ARID1B: variants seen among roughly 807,000 people sequenced by gnomAD.
The protein encoded by ARID1B is AT-rich interactive domain-containing protein 1B.
Under a neutral mutation model 212.3 loss-of-function variants are expected in ARID1B, and 30 were observed. That is an observed-to-expected ratio of 0.14 (90% CI 0.11 to 0.19). The LOEUF is 0.19. Among genes scored for constraint, ARID1B ranks in the 10% least tolerant of loss-of-function variants. The probability of loss-of-function intolerance (pLI) is 1.00; values close to 1 mark genes in which losing one functional copy is unlikely to be tolerated. For missense variants in ARID1B, 2,891 were observed against 3,204.0 expected (o/e 0.90, Z 2.36); for synonymous variants, 1,402 against 1,301.7 (o/e 1.08, Z -1.66).
intron 4 of ARID1B, among the ~76,000 whole-genome samples, chr6:156,946,004 G>C (rs562361160): frequency 4.3e-4 from 65 of 152,236 alleles, no homozygotes; most frequent in Non-Finnish European, 7.1e-4. Flanking sequence ...GCAAGACCCT[G>C]TCTCAACAAC....
intron 1 of ARID1B, among the ~76,000 whole-genome samples, chr6:156,784,094 G>T (rs1322827365): frequency 1.3e-5 from 2 of 151,798 alleles, no homozygotes; most frequent in African/African-American, 2.4e-5. Context: ...ATTTTACACT[G>T]CTGTTATTAC....
At chr6:157,184,470 A>G (rs1218825459) in intron 13 of ARID1B, 35 bp downstream of exon 13, 2 of 1,612,300 alleles carry the variant, frequency 1.2e-6, no homozygotes, top group Admixed American at 3.3e-5. Context: ...GGCCCAGGAA[A>G]GCCCAGGCGC....
At chr6:157,119,181 C>G (rs1787532115) in intron 6 of ARID1B, among the ~76,000 whole-genome samples, 2 of 152,188 alleles carry the variant, frequency 1.3e-5, no homozygotes, top group Non-Finnish European at 2.9e-5. Context: ...TTCCCACACA[C>G]CCCTTCTCCA....
At chr6:156,789,445 A>G (rs1387731834) in intron 1 of ARID1B, among the ~76,000 whole-genome samples, 2 of 152,216 alleles carry the variant, frequency 1.3e-5, no homozygotes, top group Admixed American at 6.5e-5. Flanking sequence ...GCCAGGCATC[A>G]TGCTGGGTGA....
intron 2 of ARID1B, among the ~76,000 whole-genome samples, chr6:156,880,814 T>G (rs998872453): frequency 5.9e-5 from 9 of 151,516 alleles, no homozygotes; most frequent in African/African-American, 2.2e-4. Context: ...ATGTTAGTTA[T>G]TAAGCTTTTA....
At position 157,201,946 on chromosome 6, in the gene ARID1B, C is replaced by A. The variant is rs1302041045; in HGVS notation, c.5263+458C>A. ...TCACTACAATACGTGCCTAACAGAC[C>A]CCCCCATGAGGCTAATGAAATGCTA... On this transcript the variant is annotated intron_variant, in intron 18 of 19. Transcript: ENST00000636930. This position sits in a 1 kb window ranked among gnomAD's most constrained non-coding sequence, Gnocchi z 5.2. Among the ~76,000 whole-genome samples, 1 of 152,066 alleles carries A rather than the reference C, an allele frequency of 6.6e-6. No homozygotes were observed. Among genetic ancestry groups the A allele is most frequent in the Non-Finnish European group, 1.5e-5 (1 of 68,018 alleles).
chr6:156,875,843 T>G (rs1786503021), intron 2 of ARID1B, among the ~76,000 whole-genome samples: 1 of 152,258 alleles, frequency 6.6e-6, no homozygotes, highest in Non-Finnish European at 1.5e-5. Flanking sequence ...ACGTTTTGGC[T>G]AACAAATGTA....
intron 7 of ARID1B, among the ~76,000 whole-genome samples, chr6:157,135,195 C>G (rs1013044681): frequency 6.6e-5 from 10 of 151,748 alleles, no homozygotes; most frequent in African/African-American, 2.2e-4. Flanking sequence ...ACTGCTGTGT[C>G]TCCTTGGAAA....
intron 13 of ARID1B, chr6:157,184,943 C>A (rs1792871744): frequency 5.8e-6 from 1 of 172,486 alleles, no homozygotes. Context: ...GTTCTCACTT[C>A]TAGGGAATTT....
rs17088147 is a variant in ARID1B at position 157,120,173 on chromosome 6, T to C, written c.2581+9612T>C. 9.2e-4 allele frequency among the ~76,000 whole-genome samples: 140 copies of C among 152,328 alleles called. 3 individuals carry two copies. The East Asian group carries it at 0.027, about 29-fold the overall frequency. On this transcript the variant is annotated intron_variant, in intron 6 of 19. Coordinates refer to ENST00000636930, the MANE Select transcript of ARID1B (RefSeq NM_001374828.1). ...TTTTCCTCAGCACTGAAGTGGACTT[T>C]TGCAGCTAAAACTTAAAGGATTTGT... is the stretch of plus-strand genomic sequence containing the variant.
At chr6:156,981,098 C>A (rs1272293778) in intron 4 of ARID1B, among the ~76,000 whole-genome samples, 1 of 152,190 alleles carries the variant, frequency 6.6e-6, no homozygotes, top group Non-Finnish European at 1.5e-5. Context: ...AGACTTGTAG[C>A]CACTGTCCTC....
chr6:157,093,341 G>A (rs1361084905), intron 5 of ARID1B, among the ~76,000 whole-genome samples: 1 of 152,154 alleles, frequency 6.6e-6, no homozygotes, highest in South Asian at 2.1e-4. Context: ...TTATTTCCCA[G>A]TCTTCTGATA....
In ARID1B at chr6:157,090,934, C is replaced by T. The variant is rs542604963; in HGVS notation, c.2491+6029C>T. On this transcript the variant is annotated intron_variant, in intron 5 of 19. Coordinates refer to ENST00000636930, the MANE Select transcript of ARID1B (RefSeq NM_001374828.1). ...CCCTACTCCAGTGATCACCTCTGCA[C>T]GTGTGCCTCCTGCCTGGGGTAGCCG... 6.6e-5 allele frequency among the ~76,000 whole-genome samples: 10 copies of T among 151,898 alleles called. No homozygotes were observed. The South Asian group carries it at 1.0e-3, about 16-fold the overall frequency.
At chr6:157,136,295 A>G (rs145007172) in intron 7 of ARID1B, among the ~76,000 whole-genome samples, 3 of 152,220 alleles carry the variant, frequency 2.0e-5, no homozygotes, top group East Asian at 1.9e-4. Flanking sequence ...GGCTGTCTCT[A>G]TTTTGTAAAT....
chr6:157,154,784 A>G (rs758726085), intron 8 of ARID1B, among the ~76,000 whole-genome samples: 4 of 151,416 alleles, frequency 2.6e-5, no homozygotes, highest in South Asian at 4.2e-4. Flanking sequence ...GCTTTCACCA[A>G]TTTGGCCAGG....
At chr6:157,079,371 ACAT>A (rs900023557) in intron 4 of ARID1B, among the ~76,000 whole-genome samples, 13 of 152,196 alleles carry the variant, frequency 8.5e-5, no homozygotes, top group Non-Finnish European at 1.6e-4. Flanking sequence ...AAGCCTTTAA[ACAT>A]CATGGAAATT....
At chr6:157,182,807 G>A (rs945587721) in intron 12 of ARID1B, among the ~76,000 whole-genome samples, 4 of 152,172 alleles carry the variant, frequency 2.6e-5, no homozygotes, top group African/African-American at 9.6e-5. Context: ...TCTCTGACCT[G>A]GACTCCCTGA....
intron 18 of ARID1B, among the ~76,000 whole-genome samples, chr6:157,202,651 C>T (rs1794183563): frequency 6.7e-6 from 1 of 149,856 alleles, no homozygotes; most frequent in Non-Finnish European, 1.5e-5. Flanking sequence ...CCACTGTATA[C>T]ACACACACAC....
chr6:156,876,735 G>C (rs1786588810), intron 2 of ARID1B, among the ~76,000 whole-genome samples: 1 of 152,174 alleles, frequency 6.6e-6, no homozygotes, highest in Admixed American at 6.5e-5. Context: ...CGTCACTGGC[G>C]TGGGCAGTTG....
Sources: gnomAD v4.1 joint callset for allele counts (sites outside exome capture counted in the v4.1 genomes callset) on GRCh38, gnomAD v4.1.1 for gene constraint, Gnocchi (gnomAD v3.1) non-coding constraint, MANE v1.5 for transcripts, NCBI Gene and HGNC (gene_info 2026-07-23, HGNC 2026-07-21) for gene names.